The following RXFP1 variants were observed in gnomAD, a reference collection of about 807,000 sequenced individuals.
RXFP1 encodes relaxin receptor 1.
Under a neutral mutation model 89.8 loss-of-function variants are expected in RXFP1, and 73 were observed. The observed-to-expected ratio is 0.81, with a 90% CI of 0.67 to 0.99. The LOEUF is 0.99. RXFP1 is among the 50% of genes least tolerant of loss of function. RXFP1 has a pLI of 0.00. For missense variants in RXFP1, 793 were observed against 895.5 expected (o/e 0.89, Z 1.46); for synonymous variants, 277 against 305.5 (o/e 0.91, Z 0.97).
intron 10 of RXFP1, among the ~76,000 whole-genome samples, chr4:158,627,318 T>C (rs1767055762): frequency 6.6e-6 from 1 of 152,152 alleles, no homozygotes; most frequent in Non-Finnish European, 1.5e-5. Context: ...AACTCTCCTA[T>C]TCACAGCTTA....
chr4:158,596,104 T>C (rs755672663), intron 3 of RXFP1, among the ~76,000 whole-genome samples: 1 of 151,458 alleles, frequency 6.6e-6, no homozygotes, highest in Non-Finnish European at 1.5e-5. Context: ...CAAAACCCTC[T>C]CTCAGAGGCA....
chr4:158,647,487 C>T (rs1489196390), intron 16 of RXFP1, among the ~76,000 whole-genome samples: 2 of 152,196 alleles, frequency 1.3e-5, no homozygotes. Context: ...TGGCAACACA[C>T]ATCTTTGGCT....
chr4:158,560,909 T>C (rs1161726291), intron 1 of RXFP1, among the ~76,000 whole-genome samples: 2 of 152,200 alleles, frequency 1.3e-5, no homozygotes, highest in Admixed American at 6.5e-5. Flanking sequence ...GTATTTTGCT[T>C]TCCAACTTCT....
chr4:158,644,801 A>G, intron 14 of RXFP1, 108 bp from the exon 15 acceptor site: 2 of 748,680 alleles, frequency 2.7e-6, no homozygotes, highest in South Asian at 3.7e-5. Context: ...TCTCAATTTC[A>G]TCTTAAGACA....
At chr4:158,553,365 T>C (rs1002211337) in intron 1 of RXFP1, among the ~76,000 whole-genome samples, 1 of 152,158 alleles carries the variant, frequency 6.6e-6, no homozygotes, top group African/African-American at 2.4e-5. Context: ...TTTCAGGGGC[T>C]AAGCCAGAAA....
intron 1 of RXFP1, among the ~76,000 whole-genome samples, chr4:158,537,608 C>T (rs1174920481): frequency 6.6e-6 from 1 of 152,132 alleles, no homozygotes; most frequent in African/African-American, 2.4e-5. Context: ...CTAAGTATTT[C>T]GGACACACAG....
intron 9 of RXFP1, among the ~76,000 whole-genome samples, chr4:158,618,652 T>C (rs1765041083): frequency 6.6e-6 from 1 of 152,112 alleles, no homozygotes; most frequent in Non-Finnish European, 1.5e-5. Flanking sequence ...TAGCACAGTA[T>C]GAACTAGAAA....
rs1764057432 is a variant in RXFP1 at position 158,614,070 on chromosome 4, T to G, written c.680+1708T>G. On this transcript the variant is annotated intron_variant, in intron 8 of 17. Transcript: ENST00000307765. ...GTGTATCTTGAAAGGAAATCTTTTT[T>G]TTCTGAGCAGTAGGTCCCAAGAGTG... Among the ~76,000 whole-genome samples the G allele has an allele frequency of 2.0e-5, 3 of 152,330 alleles. No individual in the cohort carries two copies. The Middle Eastern group carries it at 0.01, about 518-fold the overall frequency.
chr4:158,607,823 T>G (rs1179486428), intron 5 of RXFP1, 149 bp from the exon 6 acceptor site: 4 of 545,612 alleles, frequency 7.3e-6, no homozygotes, highest in East Asian at 3.2e-5. Context: ...ATGTGGCATC[T>G]TAACCATTTT....
chr4:158,646,653 T>G, intron 15 of RXFP1, 138 bp from the exon 16 acceptor site: 2 of 1,440,748 alleles, frequency 1.4e-6, no homozygotes, highest in South Asian at 1.6e-5. Context: ...AAATGAATTA[T>G]TAGGAGAATA....
intron 8 of RXFP1, among the ~76,000 whole-genome samples, chr4:158,612,900 G>A (rs772349660): frequency 2.0e-5 from 3 of 152,088 alleles, no homozygotes; most frequent in Admixed American, 6.6e-5. Flanking sequence ...GAGCCACCAC[G>A]CCCAGCCTTT....
intron 2 of RXFP1, among the ~76,000 whole-genome samples, chr4:158,579,774 T>G (rs951710715): frequency 2.0e-5 from 3 of 152,234 alleles, no homozygotes; most frequent in Non-Finnish European, 2.9e-5. Context: ...AATGAGCTGT[T>G]CTTACGCATA....
At chr4:158,560,155 A>G (rs1288272918) in intron 1 of RXFP1, among the ~76,000 whole-genome samples, 1 of 152,232 alleles carries the variant, frequency 6.6e-6, no homozygotes, top group Non-Finnish European at 1.5e-5. Context: ...AGCACATCAC[A>G]TAAAGTATTG....
rs1274986694 is a variant in RXFP1, at chr4:158,546,755, T to C, written c.49+24730T>C. On this transcript the variant is annotated intron_variant, in intron 1 of 17. Coordinates refer to ENST00000307765, the MANE Select transcript of RXFP1 (RefSeq NM_021634.4). ...TGTTTATATGCTGGATTACGTTTAT[T>C]GATTTCCATATGTTGAACCAGCCTT... 9.9e-5 allele frequency among the ~76,000 whole-genome samples: 15 copies of C among 152,192 alleles called. 2 individuals carry two copies. The Middle Eastern group carries it at 0.034, about 345-fold the overall frequency.
At position 158,522,027 on chromosome 4, in the gene RXFP1, T is replaced by A; in HGVS notation, c.49+2T>A. The A allele has an allele frequency of 6.4e-7, 1 of 1,562,402 alleles. No homozygotes were observed. The highest frequency in any genetic ancestry group is 8.8e-7 in the Non-Finnish European group (1 of 1,134,270). The stretch of plus-strand genomic sequence containing the variant: ...ACATCTTAATTTTTGGAAAATATTG[T>A]AAGTATGCTCAGTATCTAATTTTGT... On this transcript the variant is annotated splice_donor_variant, in intron 1 of 17. Coordinates refer to ENST00000307765, the MANE Select transcript of RXFP1 (RefSeq NM_021634.4). LOFTEE classifies it high-confidence loss of function.
chr4:158,645,637 A>G (rs1771382376), intron 15 of RXFP1, among the ~76,000 whole-genome samples: 3 of 151,952 alleles, frequency 2.0e-5, no homozygotes, highest in Non-Finnish European at 4.4e-5. Context: ...TCATTTTTTC[A>G]AAAAGTGTGC....
intron 1 of RXFP1, among the ~76,000 whole-genome samples, chr4:158,541,868 G>A (rs569663202): frequency 2.5e-4 from 38 of 151,518 alleles, no homozygotes; most frequent in Middle Eastern, 3.4e-3. Context: ...TTCAGCAATC[G>A]TCTCAATTAC....
At position 158,614,217 on chromosome 4, in the gene RXFP1, T is replaced by A. The variant is rs558212373; in HGVS notation, c.680+1855T>A. On this transcript the variant is annotated intron_variant, in intron 8 of 17. Transcript: ENST00000307765. The stretch of plus-strand genomic sequence containing the variant: ...TAATTCTTGAGGGCCCTAGGATTTT[T>A]GGAACAGTAAATGAGCGTTGACTTC... Among the ~76,000 whole-genome samples, 32 of 152,328 alleles carry A rather than the reference T, an allele frequency of 2.1e-4. 1 individual carries two copies. In the South Asian group the frequency reaches 6.6e-3, roughly 32 times the overall value.
intron 4 of RXFP1, 27 bp from the exon 5 acceptor site, chr4:158,605,041 A>T (rs777727056): frequency 7.3e-7 from 1 of 1,364,554 alleles, no homozygotes; most frequent in Non-Finnish European, 1.0e-6. Flanking sequence ...AAACAACTTT[A>T]AGAATCAAAA....
Sources: gnomAD v4.1 joint callset for allele counts (sites outside exome capture counted in the v4.1 genomes callset) on GRCh38, gnomAD v4.1.1 for gene constraint, MANE v1.5 for transcripts, NCBI Gene and HGNC (gene_info 2026-07-23, HGNC 2026-07-21) for gene names.